Variants in RAB11FIP4 observed in about 807,000 individuals in gnomAD.
The protein encoded by RAB11FIP4 is RAB11 family interacting protein 4.
Under a neutral mutation model 74.3 loss-of-function variants are expected in RAB11FIP4, and 23 were observed. The ratio of observed to expected loss-of-function variants is 0.31; its 90% CI spans 0.22 to 0.44. The LOEUF is 0.44. RAB11FIP4 is among the 20% of genes least tolerant of loss of function. The pLI is 1.00. For missense variants in RAB11FIP4, 630 were observed against 863.9 expected, an observed-to-expected ratio of 0.73 and a Z score of 3.39; for synonymous variants, 360 against 359.9, an observed-to-expected ratio of 1.00 and a Z score of 0.00.
intron 1 of RAB11FIP4, among the ~76,000 whole-genome samples, chr17:31,397,978 C>T (rs1477857557): frequency 7.2e-5 from 11 of 152,030 alleles, no homozygotes; most frequent in African/African-American, 1.9e-4. Context: ...GGGCTCAAAC[C>T]GTCCTCCTGC....
At chr17:31,474,644 G>C (rs566521145) in intron 3 of RAB11FIP4, among the ~76,000 whole-genome samples, 2 of 148,364 alleles carry the variant, frequency 1.3e-5, no homozygotes, top group Admixed American at 1.4e-4. Context: ...ACTCCAGCCT[G>C]GGGGACAGAG....
At chr17:31,516,661 G>A (rs1262823865) in intron 3 of RAB11FIP4, among the ~76,000 whole-genome samples, 1 of 152,152 alleles carries the variant, frequency 6.6e-6, no homozygotes, top group African/African-American at 2.4e-5. Context: ...GTAGAGACGG[G>A]GTTTCACCGT....
At chr17:31,459,321 G>A (rs1055445733) in intron 3 of RAB11FIP4, among the ~76,000 whole-genome samples, 1 of 152,094 alleles carries the variant, frequency 6.6e-6, no homozygotes, top group East Asian at 1.9e-4. Flanking sequence ...ACCTCTCTGA[G>A]TAACCCCACA....
At chr17:31,453,991 C>T (rs182625307) in intron 3 of RAB11FIP4, among the ~76,000 whole-genome samples, 47 of 152,110 alleles carry the variant, frequency 3.1e-4, no homozygotes, top group African/African-American at 9.6e-4. Flanking sequence ...CTCCCACAAC[C>T]GCATCCCCCC....
intron 1 of RAB11FIP4, among the ~76,000 whole-genome samples, chr17:31,422,248 A>G (rs1427121167): frequency 1.3e-5 from 2 of 152,196 alleles, no homozygotes; most frequent in Non-Finnish European, 2.9e-5. Context: ...TACCTTGGTG[A>G]CAGTTCCATG....
chr17:31,426,726 G>A (rs1353237736), intron 1 of RAB11FIP4, among the ~76,000 whole-genome samples: 2 of 148,898 alleles, frequency 1.3e-5, no homozygotes, highest in Non-Finnish European at 3.0e-5. Context: ...GGCCTCCCAA[G>A]TAGCTGGGAC....
At chr17:31,392,326 G>A (rs2070882298) in intron 1 of RAB11FIP4, 2 of 219,270 alleles carry the variant, frequency 9.1e-6, no homozygotes, top group Non-Finnish European at 1.8e-5. Flanking sequence ...CTGGGGGAGA[G>A]AGCTGCCAGA....
rs1458294465 is a variant in RAB11FIP4, at chr17:31,515,461, G to A, written c.337-2190G>A. On this transcript the variant is annotated intron_variant, in intron 3 of 14. Transcript: ENST00000621161. ...CAGGAACCAGGCTCATGATAATATT[G>A]CCATCTATTTTTAGCCCAGGGGTCT... Among the ~76,000 whole-genome samples, 5 of 151,690 alleles carry A rather than the reference G, an allele frequency of 3.3e-5. No homozygotes were observed. The East Asian group carries it at 9.7e-4, about 29-fold the overall frequency.
chr17:31,466,985 C>T (rs1241278299), intron 3 of RAB11FIP4, among the ~76,000 whole-genome samples: 3 of 152,206 alleles, frequency 2.0e-5, no homozygotes, highest in African/African-American at 7.2e-5. Context: ...CAAACATTGG[C>T]TCTCCTGGCT....
chr17:31,440,230 T>A (rs560668340), intron 3 of RAB11FIP4, among the ~76,000 whole-genome samples: 1 of 152,368 alleles, frequency 6.6e-6, no homozygotes, highest in South Asian at 2.1e-4. Flanking sequence ...CTGGCACTCT[T>A]ACTTCCTCAA....
At chr17:31,395,959 A>G (rs1426910784) in intron 1 of RAB11FIP4, among the ~76,000 whole-genome samples, 2 of 152,002 alleles carry the variant, frequency 1.3e-5, no homozygotes, top group Admixed American at 1.3e-4. Flanking sequence ...AGGTGGGAGG[A>G]TCACTGGAGC....
chr17:31,404,037 G>A (rs1355131967), intron 1 of RAB11FIP4, among the ~76,000 whole-genome samples: 1 of 152,220 alleles, frequency 6.6e-6, no homozygotes, highest in Non-Finnish European at 1.5e-5. Flanking sequence ...CCAGAATTAT[G>A]CATCTGCGCC....
At chr17:31,487,231 T>TTAA (rs1368163963) in intron 3 of RAB11FIP4, among the ~76,000 whole-genome samples, 1 of 152,208 alleles carries the variant, frequency 6.6e-6, no homozygotes, top group Non-Finnish European at 1.5e-5. Context: ...ATTTTTGTCT[T>TTAA]TTTAAAGTCC....
In RAB11FIP4 at chr17:31,532,082, CTG is replaced by C. The variant is rs2072881686; in HGVS notation, c.*351_*352del. 1 of 219,178 alleles carries C rather than the reference CTG, an allele frequency of 4.6e-6. No homozygotes were observed. The highest frequency in any genetic ancestry group is 2.3e-5 in the African/African-American group (1 of 44,410). 13.6% of individuals were successfully genotyped at this position (219,178 alleles called of 1,614,324 possible). On this transcript the variant is annotated 3_prime_UTR_variant, in exon 15 of 15. Coordinates refer to ENST00000621161, the MANE Select transcript of RAB11FIP4 (RefSeq NM_032932.6). ...GGTACTGGGTAAAATGATTCTACCT[CTG>C]GGGATAAGGATTCACATTCGCTCTA... is the stretch of plus-strand genomic sequence containing the variant.
At chr17:31,510,056 C>T (rs1322237801) in intron 3 of RAB11FIP4, among the ~76,000 whole-genome samples, 4 of 152,194 alleles carry the variant, frequency 2.6e-5, no homozygotes, top group Non-Finnish European at 4.4e-5. Flanking sequence ...GCCAAGATTG[C>T]GTACCAGTCT....
chr17:31,463,948 G>A (rs1305956093), intron 3 of RAB11FIP4, among the ~76,000 whole-genome samples: 6 of 150,032 alleles, frequency 4.0e-5, no homozygotes, highest in Non-Finnish European at 7.4e-5. Context: ...GAGTAGCTGG[G>A]ACTACAGGTG....
intron 1 of RAB11FIP4, among the ~76,000 whole-genome samples, chr17:31,421,197 T>A (rs1306385949): frequency 2.0e-5 from 3 of 152,100 alleles, no homozygotes; most frequent in African/African-American, 7.2e-5. Flanking sequence ...CTGTTTTTGA[T>A]TTTTTTGCTT....
intron 3 of RAB11FIP4, among the ~76,000 whole-genome samples, chr17:31,499,606 C>T (rs1467351554): frequency 1.3e-5 from 2 of 152,188 alleles, no homozygotes; most frequent in African/African-American, 2.4e-5. Context: ...CCGCCCGTCT[C>T]GGCCTCCCAA....
At chr17:31,469,631 CAAA>C (rs11414143) in intron 3 of RAB11FIP4, among the ~76,000 whole-genome samples, 26 of 91,678 alleles carry the variant, frequency 2.8e-4, no homozygotes, top group Non-Finnish European at 3.5e-4. Context: ...GACCCTCTCT[CAAA>C]AAAAAAAAAA....
Sources: allele counts gnomAD v4.1 joint callset (sites outside exome capture counted in the v4.1 genomes callset), GRCh38; gene constraint gnomAD v4.1.1; transcripts MANE v1.5; gene names NCBI Gene and HGNC (gene_info 2026-07-23, HGNC 2026-07-21).